The following CEP350 variants were observed in gnomAD, a reference collection of about 807,000 sequenced individuals.
The protein encoded by CEP350 is centrosome-associated protein 350.
CEP350 carries 126 observed loss-of-function variants against 331.8 expected under a neutral mutation model. That is an observed-to-expected ratio of 0.38 (90% CI 0.33 to 0.44). CEP350 has a LOEUF of 0.44. Ranked by LOEUF, CEP350 falls within the 20% of genes least tolerant of loss-of-function variation. The probability of loss-of-function intolerance (pLI) is 1.00; values close to 1 mark genes in which losing one functional copy is unlikely to be tolerated. For missense variants in CEP350, 3,406 were observed against 3,634.6 expected, an observed-to-expected ratio of 0.94 and a Z score of 1.62; for synonymous variants, 1,200 against 1,259.5, an observed-to-expected ratio of 0.95 and a Z score of 1.00.
intron 1 of CEP350, chr1:179,968,783 TC>T (rs1651209689): frequency 4.5e-6 from 3 of 671,380 alleles, no homozygotes; most frequent in Non-Finnish European, 8.4e-6. Context: ...AGTAATGGCA[TC>T]TACATCATAA....
chr1:180,090,555 A>AG (rs1660122625), intron 32 of CEP350, among the ~76,000 whole-genome samples, 159 bp from the exon 33 acceptor site: 3 of 75,224 alleles, frequency 4.0e-5, no homozygotes, highest in South Asian at 1.2e-3. Context: ...CAAAAAAAAA[A>AG]AAAAAAAAAA....
intron 10 of CEP350, among the ~76,000 whole-genome samples, chr1:180,015,117 A>G (rs1395586135): frequency 6.6e-6 from 1 of 151,984 alleles, no homozygotes; most frequent in Non-Finnish European, 1.5e-5. Context: ...GAGGAAGAGG[A>G]AGAGTTGGTG....
chr1:180,021,387 C>T (rs1655310747), intron 12 of CEP350, among the ~76,000 whole-genome samples: 1 of 152,104 alleles, frequency 6.6e-6, no homozygotes, highest in Non-Finnish European at 1.5e-5. Context: ...GGCGCGGTGG[C>T]TCATGCCTAT....
rs1231502045 is a variant in CEP350 at position 180,092,726 on chromosome 1, A to G, written c.6621A>G (p.Pro2207=). Residue 2207 remains proline, a synonymous_variant, in exon 34 of 38, where the codon CCA becomes CCG. Transcript: ENST00000367607. The part of the protein sequence containing the change: ...SRTEDFQTPS[P]VLRSSRKIRE... ...CAGAAGATTTTCAGACCCCATCTCC[A>G]GTTCTCAGATCATCAAGGAAAATCA... The G allele has an allele frequency of 3.1e-6, 5 of 1,609,956 alleles. No homozygotes were observed. In the South Asian group the frequency reaches 5.5e-5, roughly 18 times the overall value.
At chr1:179,967,150 A>C (rs748948006) in intron 1 of CEP350, among the ~76,000 whole-genome samples, 1 of 152,198 alleles carries the variant, frequency 6.6e-6, no homozygotes, top group Admixed American at 6.5e-5. Context: ...TTTTTGTATG[A>C]TAAGTTATTA....
intron 22 of CEP350, among the ~76,000 whole-genome samples, chr1:180,051,757 T>C (rs889522277): frequency 6.6e-6 from 1 of 152,168 alleles, no homozygotes. Context: ...TCTAAGTAAG[T>C]AACTTTGGAA....
At chr1:180,078,373 A>G in intron 28 of CEP350, 90 bp from the exon 29 acceptor site, 1 of 924,510 alleles carries the variant, frequency 1.1e-6, no homozygotes, top group Non-Finnish European at 1.7e-6. Context: ...GCAGTAAGTA[A>G]TAATATGCTA....
chr1:180,016,058 G>A lies in CEP350; in HGVS notation c.2174+88G>A. On this transcript the variant is annotated intron_variant, in intron 11 of 37. Transcript: ENST00000367607. ...TGTTCAGAGAATTTTGTTGACTTTT[G>A]TGAACAAGAGGGCAGAGAGGTTTAT... is the stretch of plus-strand genomic sequence containing the variant. 2.1e-6 allele frequency: 3 copies of A among 1,461,050 alleles called. No individual in the cohort carries two copies. The South Asian group carries it at 3.6e-5, about 18-fold the overall frequency. The allele number at this position is 1,461,050 out of a possible 1,614,324, so 90.5% of individuals were successfully genotyped here.
intron 33 of CEP350, among the ~76,000 whole-genome samples, chr1:180,091,008 G>GT (rs1457835831): frequency 1.4e-4 from 21 of 147,630 alleles, no homozygotes; most frequent in South Asian, 4.3e-4. Flanking sequence ...AGTTTTTTGG[G>GT]TTTTTTTTTT....
intron 25 of CEP350, among the ~76,000 whole-genome samples, chr1:180,059,835 C>A (rs1170291395): frequency 6.6e-6 from 1 of 151,934 alleles, no homozygotes; most frequent in African/African-American, 2.4e-5. Context: ...ATTTCTGTTG[C>A]CCACCCAAAA....
rs1201978842 is a variant in CEP350 at position 180,054,445 on chromosome 1, A to T, written c.5205A>T (p.Lys1735Asn). 6.3e-7 allele frequency: 1 copy of T among 1,599,904 alleles called. No individual in the cohort carries two copies. Among genetic ancestry groups the T allele is most frequent in the Non-Finnish European group, 8.5e-7 (1 of 1,172,916 alleles). Residue 1735 changes from lysine to asparagine, a missense_variant, in exon 25 of 38, where the codon AAA (lysine) becomes AAT (asparagine). Lys to Asn is a moderately conservative substitution (Grantham distance 94). Around this residue, in one of 5 missense-constraint regions of CEP350, gnomAD observed 104 missense variants for 143.3 expected, o/e 0.73. Transcript: ENST00000367607. ...KHLRDKGEDDKMPPLRKKQRG... is the reference protein window; with the variant it reads ...KHLRDKGEDDNMPPLRKKQRG... ...TACGAGACAAAGGAGAGGATGATAA[A>T]ATGCCCCCGCTCCGGAAGAAACAGC...
At position 179,955,101 on chromosome 1, in the gene CEP350, G is replaced by A; in HGVS notation, c.-55G>A. ...CACTGCACCCTCCGCCAGGCTCCGC[G>A]GGATGCACCGTGGTAGCCGAGGGCG... On this transcript the variant is annotated 5_prime_UTR_variant, in exon 1 of 38. Coordinates refer to ENST00000367607, the MANE Select transcript of CEP350 (RefSeq NM_014810.5). 1 of 1,472,320 alleles carries A rather than the reference G, an allele frequency of 6.8e-7. No homozygotes were observed. Among genetic ancestry groups the A allele is most frequent in the Non-Finnish European group, 9.0e-7 (1 of 1,114,882 alleles). The allele number at this position is 1,472,320 out of a possible 1,614,324, so 91.2% of individuals were successfully genotyped here.
At chr1:180,104,276 G>T (rs909804969) in intron 37 of CEP350, among the ~76,000 whole-genome samples, 2 of 149,288 alleles carry the variant, frequency 1.3e-5, no homozygotes, top group African/African-American at 4.9e-5. Context: ...ATTAATATTT[G>T]GATATTGTAG....
At chr1:180,042,153 C>CACAT (rs1227271829) in intron 19 of CEP350, among the ~76,000 whole-genome samples, 1 of 151,870 alleles carries the variant, frequency 6.6e-6, no homozygotes, top group Admixed American at 6.6e-5. Context: ...CACACACACA[C>CACAT]ACACACACAC....
At chr1:179,967,810 T>C (rs1651128428) in intron 1 of CEP350, among the ~76,000 whole-genome samples, 1 of 152,242 alleles carries the variant, frequency 6.6e-6, no homozygotes, top group African/African-American at 2.4e-5. Flanking sequence ...AAATATAAAA[T>C]ATGTATGCAC....
intron 5 of CEP350, among the ~76,000 whole-genome samples, chr1:179,995,787 A>C (rs1421153895): frequency 6.6e-6 from 1 of 152,218 alleles, no homozygotes. Flanking sequence ...CGCTTTACAA[A>C]GTTTGAAGCT....
At chr1:180,089,324 G>A (rs757820653) in intron 32 of CEP350, among the ~76,000 whole-genome samples, 6 of 152,148 alleles carry the variant, frequency 3.9e-5, no homozygotes, top group Admixed American at 1.3e-4. Flanking sequence ...GGTGGCTCAC[G>A]CCTGTAATCC....
In CEP350 at chr1:180,092,845, G is replaced by T. The variant is rs1410281046; in HGVS notation, c.6740G>T (p.Gly2247Val). The T allele has an allele frequency of 5.1e-6, 8 of 1,568,442 alleles. No homozygotes were observed. The highest frequency in any genetic ancestry group is 6.9e-6 in the Non-Finnish European group (8 of 1,155,324). ...ATSRILDMSD[G>V]KVGESSKKSE... ...AGTAGAATTCTTGATATGTCAGATGGCAAGGTTGGAGAATCTAGTAAAAAA... is the reference window on the plus strand; with the variant it reads ...AGTAGAATTCTTGATATGTCAGATGTCAAGGTTGGAGAATCTAGTAAAAAA... Residue 2247 changes from glycine to valine, a missense_variant, in exon 34 of 38, where the codon GGC becomes GTC. Gly to Val is a moderately radical substitution (Grantham distance 109). Transcript: ENST00000367607.
intron 29 of CEP350, among the ~76,000 whole-genome samples, chr1:180,079,919 C>T (rs947922427): frequency 6.6e-6 from 1 of 152,006 alleles, no homozygotes; most frequent in Non-Finnish European, 1.5e-5. Flanking sequence ...AAGTACTTAC[C>T]AAGTGCCTTA....
Sources: gnomAD v4.1 joint callset for allele counts (sites outside exome capture counted in the v4.1 genomes callset) on GRCh38, gnomAD v4.1.1 for gene constraint, gnomAD v4.1.1 regional missense constraint, MANE v1.5 for transcripts, NCBI Gene and HGNC (gene_info 2026-07-23, HGNC 2026-07-21) for gene names.